The following TMEM123 variants were observed in gnomAD, a reference collection of about 807,000 sequenced individuals.
The protein encoded by TMEM123 is transmembrane protein 123, also known as porimin.
A neutral mutation model predicts 19.7 loss-of-function variants in TMEM123; 16 were observed. The observed-to-expected ratio is 0.81, with a 90% CI of 0.55 to 1.23. TMEM123 has a LOEUF of 1.23. Ranked by LOEUF, TMEM123 falls within the 50% of genes most tolerant of loss-of-function variation. TMEM123 has a pLI of 0.00. For missense variants in TMEM123, 313 were observed against 257.8 expected (o/e 1.21, Z -1.47); for synonymous variants, 118 against 99.4 (o/e 1.19, Z -1.12).
chr11:102,442,862 A>G lies in TMEM123; in HGVS notation c.157+5950T>C, dbSNP rs559901319. Among the ~76,000 whole-genome samples the G allele has an allele frequency of 1.3e-4, 20 of 152,342 alleles. 2 individuals are homozygous for G. In the South Asian group the frequency reaches 2.5e-3, roughly 19 times the overall value. On this transcript the variant is annotated intron_variant, in intron 2 of 4. Transcript: ENST00000398136. ...CTTCAGCAAAGTCTCAGGATACAAAATCAATGTGCAAAAATCACAAGCATT... is the reference window on the plus strand; with the variant it reads ...CTTCAGCAAAGTCTCAGGATACAAAGTCAATGTGCAAAAATCACAAGCATT...
At chr11:102,433,440 C>T (rs1857732743) in intron 2 of TMEM123, among the ~76,000 whole-genome samples, 1 of 151,894 alleles carries the variant, frequency 6.6e-6, no homozygotes, top group Admixed American at 6.6e-5. Context: ...GCCAATTTAT[C>T]CCATTTGGAA....
chr11:102,444,499 C>T (rs1434428067), intron 2 of TMEM123, among the ~76,000 whole-genome samples: 1 of 148,860 alleles, frequency 6.7e-6, no homozygotes, highest in Non-Finnish European at 1.5e-5. Flanking sequence ...ACAATGAGAA[C>T]ACTTGAACAC....
chr11:102,419,848 C>T (rs1430456494), intron 2 of TMEM123, among the ~76,000 whole-genome samples: 1 of 152,228 alleles, frequency 6.6e-6, no homozygotes, highest in Non-Finnish European at 1.5e-5. Context: ...AGCTCTTCAA[C>T]ATTTCTCCCA....
intron 2 of TMEM123, among the ~76,000 whole-genome samples, chr11:102,414,715 A>G (rs534656793): frequency 6.6e-6 from 1 of 152,318 alleles, no homozygotes; most frequent in East Asian, 1.9e-4. Flanking sequence ...ACATGGAAAT[A>G]AAGGGCTATT....
chr11:102,407,885 G>A (rs752180471), intron 2 of TMEM123, among the ~76,000 whole-genome samples: 2 of 152,150 alleles, frequency 1.3e-5, no homozygotes, highest in Non-Finnish European at 2.9e-5. Flanking sequence ...CTTTGTTTCT[G>A]CAGCCCAAGC....
intron 2 of TMEM123, among the ~76,000 whole-genome samples, chr11:102,423,051 T>C (rs753382044): frequency 6.6e-6 from 1 of 152,186 alleles, no homozygotes; most frequent in Non-Finnish European, 1.5e-5. Context: ...AGCTAAATCC[T>C]AGCTCAAGCT....
In TMEM123 at chr11:102,435,178, AAAAT is replaced by A. The variant is rs1168831276; in HGVS notation, c.157+13630_157+13633del. ...GACAAAGCAAGATTCCATCTCTATA[AAAAT>A]AAATAAATAATTTTCCACTAGAACC... On this transcript the variant is annotated intron_variant, in intron 2 of 4. Transcript: ENST00000398136. 1.1e-4 allele frequency among the ~76,000 whole-genome samples: 17 copies of A among 151,946 alleles called. 1 individual carries two copies. Among genetic ancestry groups the A allele is most frequent in the East Asian group, 1.9e-4 (1 of 5,200 alleles).
At position 102,397,388 on chromosome 11, in the gene TMEM123, C is replaced by T. The variant is rs1193200101; in HGVS notation, c.*1479G>A. On this transcript the variant is annotated 3_prime_UTR_variant, in exon 5 of 5. Coordinates refer to ENST00000398136, the MANE Select transcript of TMEM123 (RefSeq NM_052932.3). ...CAGAAACTGGTGTGATTCACTTTGG[C>T]CCTCTGAGATAGAAATGCCATCTTA... is the stretch of plus-strand genomic sequence containing the variant. The T allele has an allele frequency of 6.6e-6, 1 of 152,142 alleles. No individual in the cohort carries two copies. The highest frequency in any genetic ancestry group is 2.4e-5 in the African/African-American group (1 of 41,428). The allele number at this position is 152,142 out of a possible 1,614,324, so 9.4% of individuals were successfully genotyped here. A position where few individuals can be genotyped will look rare whatever the true frequency, so the allele number is the denominator to read the frequency against.
chr11:102,431,732 G>T (rs1423585567), intron 2 of TMEM123, among the ~76,000 whole-genome samples: 1 of 152,216 alleles, frequency 6.6e-6, no homozygotes, highest in African/African-American at 2.4e-5. Flanking sequence ...ACAACTTGGT[G>T]ATATGGGCTG....
At chr11:102,400,639 A>T (rs1184419415) in intron 4 of TMEM123, among the ~76,000 whole-genome samples, 1 of 152,240 alleles carries the variant, frequency 6.6e-6, no homozygotes, top group East Asian at 1.9e-4. Context: ...GATATTTTGA[A>T]GTGGGGCCTT....
intron 2 of TMEM123, among the ~76,000 whole-genome samples, chr11:102,443,850 A>G (rs1340255466): frequency 6.6e-6 from 1 of 152,238 alleles, no homozygotes; most frequent in Non-Finnish European, 1.5e-5. Context: ...CAAATTTACA[A>G]GAAAAAAATC....
chr11:102,406,936 G>C (rs375085483), intron 2 of TMEM123, among the ~76,000 whole-genome samples: 54 of 152,044 alleles, frequency 3.6e-4, no homozygotes, highest in African/African-American at 1.1e-3. Context: ...TCACCAGTAG[G>C]GGGTGGAGCA....
At chr11:102,429,115 G>A (rs1156690660) in intron 2 of TMEM123, among the ~76,000 whole-genome samples, 1 of 152,036 alleles carries the variant, frequency 6.6e-6, no homozygotes, top group Non-Finnish European at 1.5e-5. Context: ...TCATTTTGAT[G>A]GCAGCCTCCT....
chr11:102,450,813 A>G (rs1293673588), intron 1 of TMEM123, among the ~76,000 whole-genome samples: 1 of 152,254 alleles, frequency 6.6e-6, no homozygotes, highest in East Asian at 1.9e-4. Context: ...CGTGGGATGC[A>G]CAGAATATGT....
intron 2 of TMEM123, among the ~76,000 whole-genome samples, chr11:102,406,360 T>G (rs1260861604): frequency 6.6e-6 from 1 of 152,142 alleles, no homozygotes; most frequent in Non-Finnish European, 1.5e-5. Context: ...CCTGAAGAGC[T>G]GGACAAGCAT....
chr11:102,420,795 T>C (rs1167920889), intron 2 of TMEM123, among the ~76,000 whole-genome samples: 1 of 152,144 alleles, frequency 6.6e-6, no homozygotes, highest in Non-Finnish European at 1.5e-5. Flanking sequence ...CCGGGCCTGG[T>C]GGCTCACTTT....
intron 2 of TMEM123, among the ~76,000 whole-genome samples, chr11:102,425,722 T>C (rs897399450): frequency 4.6e-5 from 7 of 151,946 alleles, no homozygotes; most frequent in African/African-American, 1.5e-4. Flanking sequence ...AAGCTGAGGC[T>C]ACAGGCATGT....
chr11:102,417,294 A>T (rs530834325), intron 2 of TMEM123, among the ~76,000 whole-genome samples: 54 of 152,316 alleles, frequency 3.5e-4, no homozygotes, highest in African/African-American at 1.3e-3. Flanking sequence ...CAATTTCAGC[A>T]AAGTTTCGGG....
At chr11:102,432,757 T>C (rs1857724753) in intron 2 of TMEM123, among the ~76,000 whole-genome samples, 1 of 152,210 alleles carries the variant, frequency 6.6e-6, no homozygotes, top group Admixed American at 6.5e-5. Flanking sequence ...GGAAAAATGG[T>C]TTCCTGGGCC....
Sources: gnomAD v4.1 joint callset for allele counts (sites outside exome capture counted in the v4.1 genomes callset) on GRCh38, gnomAD v4.1.1 for gene constraint, MANE v1.5 for transcripts, NCBI Gene and HGNC (gene_info 2026-07-23, HGNC 2026-07-21) for gene names.